The following NRG1 variants were observed in gnomAD, a reference collection of about 807,000 sequenced individuals.
NRG1 encodes the protein pro-neuregulin-1, membrane-bound isoform.
In NRG1, 18 loss-of-function variants were observed where a neutral mutation model predicts 63.8. The ratio of observed to expected loss-of-function variants is 0.28; its 90% CI spans 0.19 to 0.42. The LOEUF (loss-of-function observed/expected upper bound fraction) is 0.42, where lower values mean the gene tolerates loss of function less well. NRG1 is among the 10% of genes least tolerant of loss of function. NRG1 has a pLI of 1.00. For synonymous variants in NRG1, 302 were observed against 301.3 expected, an observed-to-expected ratio of 1.00 and a Z score of -0.02; for missense variants, 762 against 814.7, an observed-to-expected ratio of 0.94 and a Z score of 0.79.
intron 1 of NRG1, among the ~76,000 whole-genome samples, chr8:31,855,026 C>G (rs1234050438): frequency 6.6e-6 from 1 of 151,956 alleles, no homozygotes; most frequent in African/African-American, 2.4e-5. Flanking sequence ...AGAGCTTTAC[C>G]TCCAAGTATG....
chr8:32,581,916 T>G (rs183147936), intron 1 of NRG1, among the ~76,000 whole-genome samples: 55 of 152,260 alleles, frequency 3.6e-4, no homozygotes, highest in African/African-American at 1.3e-3. Flanking sequence ...TACAGCCTTT[T>G]GTGCTAAAGG....
rs984501922 is a variant in NRG1, at chr8:32,380,857, C to G, written c.38-214971C>G. Among the ~76,000 whole-genome samples, 9 of 152,104 alleles carry G rather than the reference C, an allele frequency of 5.9e-5. No individual in the cohort carries two copies. The East Asian group carries it at 1.3e-3, about 23-fold the overall frequency. On this transcript the variant is annotated intron_variant, in intron 1 of 10. Transcript: ENST00000519301. ...TTCATCTAATTTGTAAAGATAAAGT[C>G]AGTGTACTTGGGATATCCATCACCT... is the stretch of plus-strand genomic sequence containing the variant.
At chr8:32,126,568 A>G (rs965882110) in intron 1 of NRG1, among the ~76,000 whole-genome samples, 23 of 151,842 alleles carry the variant, frequency 1.5e-4, no homozygotes, top group Non-Finnish European at 2.9e-4. Context: ...GGGATGCCCT[A>G]ATAAGCCAGT....
chr8:32,686,486 G>C (rs902461673), intron 5 of NRG1, among the ~76,000 whole-genome samples: 3 of 152,192 alleles, frequency 2.0e-5, no homozygotes, highest in African/African-American at 7.2e-5. Flanking sequence ...GACAGGGCCG[G>C]TAGTGACAGG....
At chr8:32,298,544 C>A (rs957876080) in intron 1 of NRG1, among the ~76,000 whole-genome samples, 1 of 151,412 alleles carries the variant, frequency 6.6e-6, no homozygotes. Flanking sequence ...GGAGGAGCCC[C>A]GTCTTTACTA....
intron 1 of NRG1, among the ~76,000 whole-genome samples, chr8:31,994,262 G>A (rs975200997): frequency 1.3e-5 from 2 of 151,928 alleles, no homozygotes; most frequent in African/African-American, 4.8e-5. Flanking sequence ...CCAATGGATG[G>A]ACACTGGGGA....
intron 1 of NRG1, among the ~76,000 whole-genome samples, chr8:32,131,712 T>C (rs1244871259): frequency 1.3e-5 from 2 of 152,042 alleles, no homozygotes; most frequent in African/African-American, 4.8e-5. Context: ...GCTATTGTCT[T>C]ACTCCCATGG....
intron 1 of NRG1, among the ~76,000 whole-genome samples, chr8:32,273,047 C>A (rs530052180): frequency 9.9e-5 from 15 of 152,266 alleles, no homozygotes; most frequent in African/African-American, 3.6e-4. Flanking sequence ...GTATTCATTT[C>A]TCCATAAATT....
chr8:31,862,495 A>G (rs187997278), intron 1 of NRG1, among the ~76,000 whole-genome samples: 3 of 152,262 alleles, frequency 2.0e-5, no homozygotes, highest in Admixed American at 2.0e-4. Context: ...TTTCTTGTAA[A>G]CTATTTGCTC....
intron 1 of NRG1, among the ~76,000 whole-genome samples, chr8:31,650,897 A>C (rs1804773932): frequency 6.6e-6 from 1 of 152,174 alleles, no homozygotes; most frequent in Non-Finnish European, 1.5e-5. Context: ...TGGGTCGCTG[A>C]CTTTATTCAC....
At chr8:32,260,484 C>T (rs971081970) in intron 1 of NRG1, among the ~76,000 whole-genome samples, 1 of 152,198 alleles carries the variant, frequency 6.6e-6, no homozygotes, top group African/African-American at 2.4e-5. Flanking sequence ...AGGTCTTTTG[C>T]TCCTGACATT....
intron 1 of NRG1, among the ~76,000 whole-genome samples, chr8:31,888,243 G>T (rs1830878688): frequency 6.6e-6 from 1 of 151,954 alleles, no homozygotes; most frequent in African/African-American, 2.4e-5. Context: ...TTCAGATACT[G>T]TTCTAGAAGG....
intron 1 of NRG1, among the ~76,000 whole-genome samples, chr8:32,166,025 G>A (rs1839361918): frequency 6.6e-6 from 1 of 152,018 alleles, no homozygotes; most frequent in Non-Finnish European, 1.5e-5. Flanking sequence ...TTTACCTTAG[G>A]TAAAGATTTT....
At chr8:32,491,616 A>G (rs1428778943) in intron 1 of NRG1, among the ~76,000 whole-genome samples, 2 of 152,170 alleles carry the variant, frequency 1.3e-5, no homozygotes, top group African/African-American at 2.4e-5. Flanking sequence ...AGTCTGGCTT[A>G]GAATGGCTCC....
chr8:32,757,552 G>A (rs1400300007), intron 9 of NRG1, among the ~76,000 whole-genome samples: 3 of 152,142 alleles, frequency 2.0e-5, no homozygotes, highest in African/African-American at 7.2e-5. Context: ...GGTGCTTATA[G>A]GTTAACACAC....
chr8:31,954,398 T>C (rs73232406), intron 1 of NRG1, among the ~76,000 whole-genome samples: 1 of 152,344 alleles, frequency 6.6e-6, no homozygotes, highest in Non-Finnish European at 1.5e-5. Context: ...TTATGATTTC[T>C]TAGGATGTAA....
intron 1 of NRG1, among the ~76,000 whole-genome samples, chr8:32,094,181 C>G: frequency 6.6e-6 from 1 of 152,248 alleles, no homozygotes; most frequent in African/African-American, 2.4e-5. Context: ...TGGAAAAACC[C>G]GGCTTTCATA....
chr8:31,749,888 A>T (rs1327969101), intron 1 of NRG1, among the ~76,000 whole-genome samples: 1 of 151,152 alleles, frequency 6.6e-6, no homozygotes, highest in Non-Finnish European at 1.5e-5. Context: ...TTATTTTTGG[A>T]AGCCAAGCCA....
chr8:32,229,324 C>A (rs1846656486), intron 1 of NRG1, among the ~76,000 whole-genome samples: 1 of 152,086 alleles, frequency 6.6e-6, no homozygotes, highest in Non-Finnish European at 1.5e-5. Flanking sequence ...TACTCATTTA[C>A]CAGGGCAGCT....
Sources: gnomAD v4.1 joint callset for allele counts (sites outside exome capture counted in the v4.1 genomes callset) on GRCh38, gnomAD v4.1.1 for gene constraint, MANE v1.5 for transcripts, NCBI Gene and HGNC (gene_info 2026-07-23, HGNC 2026-07-21) for gene names.